Variants in EFR3B observed in about 807,000 individuals in gnomAD.
The protein encoded by EFR3B is EFR3 homolog B, also known as protein EFR3 homolog B.
Under a neutral mutation model 104.7 loss-of-function variants are expected in EFR3B, and 64 were observed. The observed-to-expected ratio is 0.61, with a 90% CI of 0.50 to 0.75. The LOEUF (loss-of-function observed/expected upper bound fraction) is 0.75. Among genes scored for constraint, EFR3B ranks in the 30% least tolerant of loss-of-function variants. The pLI, the probability that EFR3B is intolerant of heterozygous loss-of-function variation, is 0.00. For synonymous variants in EFR3B, 385 were observed against 417.9 expected (o/e 0.92, Z 0.96); for missense variants, 750 against 1,078.5 (o/e 0.70, Z 4.27).
Position 25,154,119 on chromosome 2 carries a change from G to A in EFR3B, c.2349-116G>A, listed in dbSNP as rs560443698. On this transcript the variant is annotated intron_variant, in intron 22 of 22. Coordinates refer to ENST00000403714, the MANE Select transcript of EFR3B (RefSeq NM_014971.2). This position sits in a 1 kb window ranked among gnomAD's most constrained non-coding sequence, Gnocchi z 4.1. ...TCCTGGGAACCTGTGGAATGAAGGG[G>A]TCTCTGGTGCCTGTGCAAAAAGAAA... 1.2e-6 allele frequency: 1 copy of A among 853,710 alleles called. No individual in the cohort carries two copies. The allele number at this position is 853,710 out of a possible 1,614,324, so 52.9% of individuals were successfully genotyped here. A position where few individuals can be genotyped will look rare whatever the true frequency, so the allele number is the denominator to read the frequency against.
Position 25,093,086 on chromosome 2 carries a change from C to T in EFR3B, c.168C>T (p.Tyr56=), listed in dbSNP as rs1452677803. 1.3e-6 allele frequency: 2 copies of T among 1,551,764 alleles called. No individual in the cohort carries two copies. Among genetic ancestry groups the T allele is most frequent in the Non-Finnish European group, 8.7e-7 (1 of 1,147,126 alleles). Residue 56 remains tyrosine, a synonymous_variant, in exon 3 of 23, where the codon TAC becomes TAT. Coordinates refer to ENST00000403714, the MANE Select transcript of EFR3B (RefSeq NM_014971.2). The stretch of plus-strand genomic sequence containing the variant: ...AAAAACTTGATCGTATTGGCGCCTA[C>T]CTCTCTGAGAGGCTCATCCGTGACG... ...APEKLDRIGA[Y]LSERLIRDVG...
chr2:25,121,847 T>C (rs1670025180), intron 5 of EFR3B, 53 bp downstream of exon 5: 1 of 1,550,550 alleles, frequency 6.4e-7, no homozygotes, highest in Non-Finnish European at 8.7e-7. Context: ...GAAGCAACGG[T>C]GGGTCCTGTA....
In EFR3B at chr2:25,141,396, T is replaced by G. The variant is rs1227902351; in HGVS notation, c.1885T>G (p.Tyr629Asp). The change falls in exon 17 of 23, where the codon TAC becomes GAC. Residue 629 changes from tyrosine (Y) to aspartate (D), a missense_variant. Transcript: ENST00000403714. The stretch of plus-strand genomic sequence containing the variant: ...AGAGACCAGGAAGAAAGAGGCTCCA[T>G]ACATGCTCCCCGAGGATGTGTTTGT... ...VIETRKKEAP[Y>D]MLPEDVFVER... The G allele has an allele frequency of 6.4e-7, 1 of 1,551,420 alleles. No homozygotes were observed. The highest frequency in any genetic ancestry group is 8.7e-7 in the Non-Finnish European group (1 of 1,146,912).
intron 13 of EFR3B, 148 bp downstream of exon 13, chr2:25,135,787 A>G (rs2149207529): frequency 1.0e-6 from 1 of 999,778 alleles, no homozygotes; most frequent in African/African-American, 1.6e-5. Context: ...TCAGATACTC[A>G]GTGAGACTCA....
chr2:25,157,255 T>C lies in EFR3B; in HGVS notation c.*2915T>C, dbSNP rs569842729. ...CAGTTTTGTTTAAACTTACACTCAG[T>C]AGAGTGTTGGGTTGTCTGCTGACAT... is the stretch of plus-strand genomic sequence containing the variant. On this transcript the variant is annotated 3_prime_UTR_variant, in exon 23 of 23. Coordinates refer to ENST00000403714, the MANE Select transcript of EFR3B (RefSeq NM_014971.2). 6.6e-6 allele frequency: 1 copy of C among 152,264 alleles called. No individual in the cohort carries two copies. Among genetic ancestry groups the C allele is most frequent in the South Asian group, 2.1e-4 (1 of 4,822 alleles). 9.4% of individuals were successfully genotyped at this position (152,264 alleles called of 1,614,324 possible). A position where few individuals can be genotyped will look rare whatever the true frequency, so the allele number is the denominator to read the frequency against.
chr2:25,084,834 A>G (rs1558595613), intron 1 of EFR3B, among the ~76,000 whole-genome samples: 1 of 152,348 alleles, frequency 6.6e-6, no homozygotes, highest in East Asian at 1.9e-4. Flanking sequence ...TAGCCTCTTC[A>G]AATGAGGCAG....
At chr2:25,078,776 G>A (rs755841756) in intron 1 of EFR3B, among the ~76,000 whole-genome samples, 2 of 152,180 alleles carry the variant, frequency 1.3e-5, no homozygotes, top group African/African-American at 2.4e-5. Context: ...CAGAGAGTAC[G>A]CTGTGCCTGT....
chr2:25,119,039 G>A (rs2149199394), intron 4 of EFR3B, among the ~76,000 whole-genome samples: 1 of 152,262 alleles, frequency 6.6e-6, no homozygotes, highest in Middle Eastern at 3.4e-3. Flanking sequence ...GACAAAGTCT[G>A]TGTTTGTTTC....
chr2:25,054,188 G>A (rs1667957985), intron 1 of EFR3B, among the ~76,000 whole-genome samples: 1 of 152,168 alleles, frequency 6.6e-6, no homozygotes, highest in Admixed American at 6.5e-5. Context: ...TCCTCCCCCT[G>A]GAGAAGTGGG....
chr2:25,047,501 T>A lies in EFR3B; in HGVS notation c.7+5182T>A, dbSNP rs563967512. 2.2e-4 allele frequency among the ~76,000 whole-genome samples: 33 copies of A among 152,298 alleles called. 1 individual carries two copies. The East Asian group carries it at 6.0e-3, about 28-fold the overall frequency. On this transcript the variant is annotated intron_variant, in intron 1 of 22. Transcript: ENST00000403714. ...TCTGTTTCTTAATTTTTTTATTTTT[T>A]AATTATTTATTTATTTTGAGACAGT...
chr2:25,113,145 C>A (rs990141332), intron 4 of EFR3B, among the ~76,000 whole-genome samples: 3 of 152,074 alleles, frequency 2.0e-5, no homozygotes, highest in African/African-American at 7.2e-5. Flanking sequence ...CTAGCAGTGC[C>A]CCCGGCCTTT....
At chr2:25,098,517 C>G (rs918694904) in intron 3 of EFR3B, among the ~76,000 whole-genome samples, 2 of 152,154 alleles carry the variant, frequency 1.3e-5, no homozygotes, top group Admixed American at 1.3e-4. Context: ...ATCCCAGGCT[C>G]TATTCCTTTT....
Position 25,114,715 on chromosome 2 carries a change from C to G in EFR3B, c.364-6958C>G, listed in dbSNP as rs770224038. On this transcript the variant is annotated intron_variant, in intron 4 of 22. Coordinates refer to ENST00000403714, the MANE Select transcript of EFR3B (RefSeq NM_014971.2). The surrounding 1 kb of genome is among the most constrained non-coding windows in gnomAD (Gnocchi z 4.0). ...TGGCTGTCCATCCATCCAGCCTTGA[C>G]GGACCTCCCTGACCAAGAACATGCT... 6.6e-5 allele frequency among the ~76,000 whole-genome samples: 10 copies of G among 152,216 alleles called. No individual in the cohort carries two copies. Among genetic ancestry groups the G allele is most frequent in the Non-Finnish European group, 1.3e-4 (9 of 68,036 alleles).
At chr2:25,082,708 C>T (rs72807667) in intron 1 of EFR3B, among the ~76,000 whole-genome samples, 22,424 of 152,250 alleles carry the variant, frequency 0.15, 2,008 homozygotes, top group Middle Eastern at 0.26. Flanking sequence ...GGGTTGGACC[C>T]TATTCCAGCC....
intron 4 of EFR3B, among the ~76,000 whole-genome samples, chr2:25,107,388 A>T (rs1669594737): frequency 6.6e-6 from 1 of 152,144 alleles, no homozygotes; most frequent in South Asian, 2.1e-4. Flanking sequence ...CCCTCTGCAG[A>T]ACGTCTCTTC....
rs1021507801 is a variant in EFR3B, at chr2:25,156,051, G to A, written c.*1711G>A. ...CAGGGGAGGGCAGGCTTCTCAGGAC[G>A]GCCTCAGCTCATAGCCCCACGTGTG... On this transcript the variant is annotated 3_prime_UTR_variant, in exon 23 of 23. Coordinates refer to ENST00000403714, the MANE Select transcript of EFR3B (RefSeq NM_014971.2). 6 of 152,118 alleles carry A rather than the reference G, an allele frequency of 3.9e-5. No individual in the cohort carries two copies. The highest frequency in any genetic ancestry group is 9.7e-5 in the African/African-American group (4 of 41,398). 9.4% of individuals were successfully genotyped at this position (152,118 alleles called of 1,614,324 possible).
intron 3 of EFR3B, among the ~76,000 whole-genome samples, chr2:25,099,521 G>A (rs1025912951): frequency 1.3e-5 from 2 of 150,782 alleles, no homozygotes; most frequent in Non-Finnish European, 2.9e-5. Flanking sequence ...AAAAGTTGAC[G>A]CGGCTATTCT....
At chr2:25,048,480 G>A (rs560993186) in intron 1 of EFR3B, among the ~76,000 whole-genome samples, 2 of 152,262 alleles carry the variant, frequency 1.3e-5, no homozygotes, top group East Asian at 3.9e-4. Context: ...CTGAATTACA[G>A]CCCCTGGAGA....
chr2:25,081,653 C>T (rs998728808), intron 1 of EFR3B: 16 of 612,868 alleles, frequency 2.6e-5, no homozygotes, highest in East Asian at 1.4e-4. Context: ...AGGGTAGCTG[C>T]GGCCAACAGC....
Sources: allele counts gnomAD v4.1 joint callset (sites outside exome capture counted in the v4.1 genomes callset), GRCh38; gene constraint gnomAD v4.1.1; non-coding constraint Gnocchi (gnomAD v3.1); transcripts MANE v1.5; gene names NCBI Gene and HGNC (gene_info 2026-07-23, HGNC 2026-07-21).